Variants in BICC1 observed in about 807,000 individuals in gnomAD.
BICC1 encodes protein bicaudal C homolog 1.
A neutral mutation model predicts 111.0 loss-of-function variants in BICC1; 43 were observed. The ratio of observed to expected loss-of-function variants is 0.39; its 90% CI spans 0.30 to 0.50. The LOEUF is 0.50. Ranked by LOEUF, BICC1 falls within the 20% of genes least tolerant of loss-of-function variation. The pLI, the probability that BICC1 is intolerant of heterozygous loss-of-function variation, is 0.88. For missense variants in BICC1, 1,091 were observed against 1,203.2 expected, an observed-to-expected ratio of 0.91 and a Z score of 1.38; for synonymous variants, 467 against 434.4, an observed-to-expected ratio of 1.07 and a Z score of -0.93.
chr10:58,606,558 A>G, intron 1 of BICC1, among the ~76,000 whole-genome samples: 1 of 152,102 alleles, frequency 6.6e-6, no homozygotes, highest in Non-Finnish European at 1.5e-5. Flanking sequence ...AACTTAAAGT[A>G]TAATAATAAA....
At chr10:58,730,155 G>T (rs1214162969) in intron 3 of BICC1, among the ~76,000 whole-genome samples, 3 of 152,114 alleles carry the variant, frequency 2.0e-5, no homozygotes, top group Non-Finnish European at 2.9e-5. Context: ...GAAGGTATAG[G>T]CATTAGGTAA....
chr10:58,699,858 A>AT, intron 2 of BICC1, among the ~76,000 whole-genome samples: 1 of 152,078 alleles, frequency 6.6e-6, no homozygotes, highest in East Asian at 1.9e-4. Flanking sequence ...CATTCAGCTA[A>AT]TTTTTGTATT....
intron 1 of BICC1, among the ~76,000 whole-genome samples, chr10:58,592,682 G>A (rs11006198): frequency 6.7e-6 from 1 of 149,736 alleles, no homozygotes; most frequent in Non-Finnish European, 1.5e-5. Context: ...GCTACTGCAC[G>A]CCAGCCTGGG....
At chr10:58,733,370 A>G (rs1449063181) in intron 3 of BICC1, among the ~76,000 whole-genome samples, 2 of 152,216 alleles carry the variant, frequency 1.3e-5, no homozygotes, top group African/African-American at 2.4e-5. Context: ...TTGTGATTCT[A>G]ATCTGTAAAA....
At chr10:58,615,912 T>C (rs1173750188) in intron 1 of BICC1, among the ~76,000 whole-genome samples, 1 of 152,126 alleles carries the variant, frequency 6.6e-6, no homozygotes, top group Non-Finnish European at 1.5e-5. Flanking sequence ...GAGTGAGCTT[T>C]TGCTGGCAGA....
chr10:58,593,952 C>A (rs1470082226), intron 1 of BICC1, among the ~76,000 whole-genome samples: 6 of 151,636 alleles, frequency 4.0e-5, no homozygotes, highest in Admixed American at 3.3e-4. Context: ...TGTTCTAACC[C>A]AATGCAGGGA....
intron 2 of BICC1, among the ~76,000 whole-genome samples, chr10:58,624,729 G>A (rs972973391): frequency 5.3e-5 from 8 of 152,120 alleles, no homozygotes; most frequent in Non-Finnish European, 1.2e-4. Flanking sequence ...TGGTAGCTGG[G>A]ATTACAGGCA....
In BICC1 at chr10:58,545,893, A is replaced by G. The variant is rs759580458; in HGVS notation, c.190+32560A>G. On this transcript the variant is annotated intron_variant, in intron 1 of 20. Transcript: ENST00000373886. ...GGAGTTAGTGACAGAGAAGAACACT[A>G]TTTTACAGTGTTGGGTATTTTTGTT... Among the ~76,000 whole-genome samples, 105 of 152,094 alleles carry G rather than the reference A, an allele frequency of 6.9e-4. 1 individual carries two copies. Among genetic ancestry groups the G allele is most frequent in the Admixed American group, 3.9e-3 (59 of 15,264 alleles).
chr10:58,735,692 GC>G (rs1259336727), intron 3 of BICC1, among the ~76,000 whole-genome samples: 2 of 152,172 alleles, frequency 1.3e-5, no homozygotes, highest in African/African-American at 4.8e-5. Flanking sequence ...AAGCCCATGT[GC>G]AACATCAGCT....
chr10:58,798,220 G>T lies in BICC1; in HGVS notation c.1367-179G>T, dbSNP rs117743262. ...TCTTTGTGGATAAGCTGCTTCCTCT[G>T]TTGGAGCTGTATGATGCAAAACTCA... is the stretch of plus-strand genomic sequence containing the variant. On this transcript the variant is annotated intron_variant, in intron 10 of 20. Coordinates refer to ENST00000373886, the MANE Select transcript of BICC1 (RefSeq NM_001080512.3). Among the ~76,000 whole-genome samples, 130 of 152,186 alleles carry T rather than the reference G, an allele frequency of 8.5e-4. 2 individuals carry two copies. The East Asian group carries it at 0.021, about 25-fold the overall frequency.
At chr10:58,649,434 G>T (rs1838373547) in intron 2 of BICC1, among the ~76,000 whole-genome samples, 1 of 152,148 alleles carries the variant, frequency 6.6e-6, no homozygotes, top group Non-Finnish European at 1.5e-5. Context: ...GTAAAGCCCA[G>T]CAACTAGAGA....
chr10:58,803,057 T>A lies in BICC1; in HGVS notation c.2016-20T>A. ...TTGTATATATAGTGGAGTGTTAAATTCCACACTCTTATTTCACAGCAGCAC... is the reference window on the plus strand; with the variant it reads ...TTGTATATATAGTGGAGTGTTAAATACCACACTCTTATTTCACAGCAGCAC... On this transcript the variant is annotated intron_variant, in intron 14 of 20. Coordinates refer to ENST00000373886, the MANE Select transcript of BICC1 (RefSeq NM_001080512.3). 6.4e-7 allele frequency: 1 copy of A among 1,564,412 alleles called. No individual in the cohort carries two copies. Among genetic ancestry groups the A allele is most frequent in the East Asian group, 2.3e-5 (1 of 43,622 alleles).
At chr10:58,711,874 G>A (rs1438252801) in intron 3 of BICC1, among the ~76,000 whole-genome samples, 10 of 150,680 alleles carry the variant, frequency 6.6e-5, no homozygotes, top group Admixed American at 6.0e-4. Flanking sequence ...GGAATAGAGA[G>A]GTGAGAAAGT....
At chr10:58,579,824 C>A (rs1844225395) in intron 1 of BICC1, among the ~76,000 whole-genome samples, 1 of 152,100 alleles carries the variant, frequency 6.6e-6, no homozygotes, top group African/African-American at 2.4e-5. Flanking sequence ...GCAAAGAAAG[C>A]ACTGGAAGTC....
intron 1 of BICC1, among the ~76,000 whole-genome samples, chr10:58,599,754 T>G (rs1844963250): frequency 6.6e-6 from 1 of 152,302 alleles, no homozygotes; most frequent in Non-Finnish European, 1.5e-5. Flanking sequence ...GTGGATTACC[T>G]GTTCAAGGCA....
intron 2 of BICC1, among the ~76,000 whole-genome samples, chr10:58,688,477 C>A (rs571018691): frequency 1.3e-5 from 2 of 152,224 alleles, no homozygotes; most frequent in South Asian, 2.1e-4. Flanking sequence ...CAAGTCCCCC[C>A]CTGACCCAGA....
rs1324966463 is a variant in BICC1, at chr10:58,659,767, T to C, written c.237+38866T>C. Reference sequence around the variant, plus strand: ...GGAAAATTTTATGTCAAGTGACTGATAAAAGTAGAAGCCCAGAAAATAGTA... The same window carrying C: ...GGAAAATTTTATGTCAAGTGACTGACAAAAGTAGAAGCCCAGAAAATAGTA... On this transcript the variant is annotated intron_variant, in intron 2 of 20. Coordinates refer to ENST00000373886, the MANE Select transcript of BICC1 (RefSeq NM_001080512.3). Among the ~76,000 whole-genome samples, 4 of 152,242 alleles carry C rather than the reference T, an allele frequency of 2.6e-5. No individual in the cohort carries two copies. In the East Asian group the frequency reaches 5.8e-4, roughly 22 times the overall value.
chr10:58,599,460 T>G (rs1173603996), intron 1 of BICC1, among the ~76,000 whole-genome samples: 4 of 152,032 alleles, frequency 2.6e-5, no homozygotes, highest in African/African-American at 9.7e-5. Context: ...TGAGAACACA[T>G]GGACATAGGG....
intron 19 of BICC1, among the ~76,000 whole-genome samples, chr10:58,818,935 A>C (rs2132963953): frequency 6.6e-6 from 1 of 152,276 alleles, no homozygotes. Context: ...CTATTTGAAG[A>C]AGCATAGAAA....
Sources: allele counts gnomAD v4.1 joint callset (sites outside exome capture counted in the v4.1 genomes callset), GRCh38; gene constraint gnomAD v4.1.1; transcripts MANE v1.5; gene names NCBI Gene and HGNC (gene_info 2026-07-23, HGNC 2026-07-21).